SRGAP3: variants seen among roughly 807,000 people sequenced by gnomAD.
SRGAP3 encodes the protein SLIT-ROBO Rho GTPase-activating protein 3.
In SRGAP3, 39 loss-of-function variants were observed where a neutral mutation model predicts 121.1. The observed-to-expected ratio is 0.32, with a 90% confidence interval of 0.25 to 0.42. The LOEUF (loss-of-function observed/expected upper bound fraction) is 0.42, where lower values mean the gene tolerates loss of function less well. SRGAP3 is among the 10% of genes least tolerant of loss of function. The pLI, the probability that SRGAP3 is intolerant of heterozygous loss-of-function variation, is 1.00. For missense variants in SRGAP3, 1,213 were observed against 1,470.6 expected (o/e 0.82, Z 2.86); for synonymous variants, 601 against 570.0 (o/e 1.05, Z -0.77).
intron 3 of SRGAP3, among the ~76,000 whole-genome samples, chr3:9,309,628 A>G (rs542215385): frequency 6.6e-6 from 1 of 152,376 alleles, no homozygotes; most frequent in African/African-American, 2.4e-5. Flanking sequence ...TGGGAGGCCA[A>G]GGCAGGAGGA....
chr3:9,272,952 T>G (rs1419712472), intron 3 of SRGAP3, among the ~76,000 whole-genome samples: 1 of 152,208 alleles, frequency 6.6e-6, no homozygotes, highest in Non-Finnish European at 1.5e-5. Flanking sequence ...TTTGTTTGTT[T>G]TGGATAGTAC....
intron 1 of SRGAP3, among the ~76,000 whole-genome samples, chr3:9,147,553 A>C (rs1288686668): frequency 6.6e-6 from 1 of 152,104 alleles, no homozygotes; most frequent in Non-Finnish European, 1.5e-5. Context: ...CAGCCACCTC[A>C]GCTTGTCACT....
Position 9,202,077 on chromosome 3 carries a change from C to CG in SRGAP3, c.67+46807dup, listed in dbSNP as rs1330477877. ...GTTTGGAGGATGGGGGGAAGGGAGG[C>CG]GGGGGAAGGGTTATAACAAAAGCTA... On this transcript the variant is annotated intron_variant, in intron 1 of 21. Coordinates refer to ENST00000383836, the MANE Select transcript of SRGAP3 (RefSeq NM_014850.4). Among the ~76,000 whole-genome samples the CG allele has an allele frequency of 9.6e-5, 14 of 145,766 alleles. 1 individual carries two copies. In the East Asian group the frequency reaches 2.8e-3, roughly 29 times the overall value.
At chr3:9,311,363 C>G (rs535204732) in intron 3 of SRGAP3, among the ~76,000 whole-genome samples, 3 of 152,300 alleles carry the variant, frequency 2.0e-5, no homozygotes, top group African/African-American at 7.2e-5. Flanking sequence ...AAAGTGCACA[C>G]TCATAAAATA....
chr3:9,269,759 C>T (rs891018342), intron 3 of SRGAP3, among the ~76,000 whole-genome samples: 13 of 152,184 alleles, frequency 8.5e-5, no homozygotes, highest in Admixed American at 7.9e-4. Flanking sequence ...CACTTAAATA[C>T]CACACCAGTT....
In SRGAP3 at chr3:9,072,288, C is replaced by T. The variant is rs374000756; in HGVS notation, c.487-7707G>A. On this transcript the variant is annotated intron_variant, in intron 4 of 21. Transcript: ENST00000383836. ...ATCAGATACCATCTCTTCTCTGGCA[C>T]CTTCCTGATACTCAGTAGATTTCAT... 3.9e-5 allele frequency among the ~76,000 whole-genome samples: 6 copies of T among 152,332 alleles called. No homozygotes were observed. The South Asian group carries it at 1.2e-3, about 32-fold the overall frequency.
chr3:9,255,461 A>G (rs535453207), intron 3 of SRGAP3, among the ~76,000 whole-genome samples: 1 of 152,314 alleles, frequency 6.6e-6, no homozygotes, highest in South Asian at 2.1e-4. Context: ...CCAAGCTTAC[A>G]TTCTCACAGG....
At chr3:9,060,957 G>T (rs1469960665) in intron 5 of SRGAP3, among the ~76,000 whole-genome samples, 1 of 152,122 alleles carries the variant, frequency 6.6e-6, no homozygotes, top group African/African-American at 2.4e-5. Context: ...AAGATCCCTG[G>T]CCAGGAGCGT....
At chr3:9,011,051 T>A (rs979356127) in intron 17 of SRGAP3, among the ~76,000 whole-genome samples, 1 of 148,692 alleles carries the variant, frequency 6.7e-6, no homozygotes, top group African/African-American at 2.5e-5. Context: ...GTTTTTTTTT[T>A]ATAGAGCCAT....
intron 3 of SRGAP3, among the ~76,000 whole-genome samples, chr3:9,289,498 A>G (rs1954837041): frequency 6.6e-6 from 1 of 152,232 alleles, no homozygotes; most frequent in African/African-American, 2.4e-5. Flanking sequence ...GAACACTACT[A>G]GTCTAACATC....
At chr3:9,105,554 G>A (rs1199081377) in intron 2 of SRGAP3, among the ~76,000 whole-genome samples, 2 of 152,300 alleles carry the variant, frequency 1.3e-5, no homozygotes, top group South Asian at 4.1e-4. Flanking sequence ...AGCATGACCT[G>A]GGGACTGGTT....
chr3:9,167,636 G>A (rs925640399), intron 1 of SRGAP3, among the ~76,000 whole-genome samples: 1 of 152,186 alleles, frequency 6.6e-6, no homozygotes, highest in South Asian at 2.1e-4. Context: ...CTGTCCTTGG[G>A]ATGTGCTGGT....
intron 4 of SRGAP3, among the ~76,000 whole-genome samples, chr3:9,070,001 C>T (rs1030876963): frequency 6.6e-6 from 1 of 152,188 alleles, no homozygotes; most frequent in Admixed American, 6.5e-5. Context: ...TCCAATGTCA[C>T]ACAAAAAGCC....
intron 9 of SRGAP3, among the ~76,000 whole-genome samples, chr3:9,052,331 G>T (rs1160439709): frequency 6.6e-6 from 1 of 152,170 alleles, no homozygotes; most frequent in East Asian, 1.9e-4. Context: ...AATACCAAAA[G>T]CCAGGCACAA....
intron 20 of SRGAP3, 43 bp downstream of exon 20, chr3:8,992,863 A>G (rs1176367615): frequency 1.9e-6 from 3 of 1,613,986 alleles, no homozygotes; most frequent in Non-Finnish European, 2.5e-6. Context: ...AGACATGAAC[A>G]GGATTGACAC....
At chr3:9,294,783 C>A (rs1287133513) in intron 3 of SRGAP3, among the ~76,000 whole-genome samples, 2 of 149,082 alleles carry the variant, frequency 1.3e-5, no homozygotes, top group East Asian at 3.9e-4. Context: ...ACAGCTCCCC[C>A]CACCTGTGAC....
intron 1 of SRGAP3, among the ~76,000 whole-genome samples, chr3:9,188,816 T>C (rs996913705): frequency 2.0e-5 from 3 of 152,244 alleles, no homozygotes; most frequent in East Asian, 3.9e-4. Flanking sequence ...TAAATGCAAA[T>C]AGGGAAAGAT....
At chr3:9,096,937 G>GTATA (rs58305278) in intron 3 of SRGAP3, among the ~76,000 whole-genome samples, 1,786 of 60,716 alleles carry the variant, frequency 0.029, 37 homozygotes, top group Non-Finnish European at 0.04. Flanking sequence ...ACATTATTTT[G>GTATA]TATATATATA....
At chr3:9,296,901 T>C (rs1373696598) in intron 3 of SRGAP3, among the ~76,000 whole-genome samples, 1 of 152,152 alleles carries the variant, frequency 6.6e-6, no homozygotes, top group Non-Finnish European at 1.5e-5. Flanking sequence ...TTTTTGTTTT[T>C]TGAGACAGGG....
Sources: allele counts gnomAD v4.1 joint callset (sites outside exome capture counted in the v4.1 genomes callset), GRCh38; gene constraint gnomAD v4.1.1; transcripts MANE v1.5; gene names NCBI Gene and HGNC (gene_info 2026-07-23, HGNC 2026-07-21).